Variants in PCDH9 observed in about 807,000 individuals in gnomAD.
The protein encoded by PCDH9 is protocadherin 9, also known as protocadherin-9.
In PCDH9, 24 loss-of-function variants were observed where a neutral mutation model predicts 70.6. That is an observed-to-expected ratio of 0.34 (90% CI 0.25 to 0.48). The LOEUF is 0.48. Among genes scored for constraint, PCDH9 ranks in the 20% least tolerant of loss-of-function variants. The probability of loss-of-function intolerance (pLI) is 0.99; values close to 1 mark genes in which losing one functional copy is unlikely to be tolerated. For synonymous variants in PCDH9, 562 were observed against 558.5 expected (o/e 1.01, Z -0.09); for missense variants, 1,281 against 1,503.6 (o/e 0.85, Z 2.45).
chr13:67,177,159 T>G (rs2088484499), intron 2 of PCDH9, among the ~76,000 whole-genome samples: 1 of 152,140 alleles, frequency 6.6e-6, no homozygotes, highest in Non-Finnish European at 1.5e-5. Flanking sequence ...CTAATATTGA[T>G]CTACCACTTT....
chr13:67,025,875 A>G (rs1044261297), intron 2 of PCDH9, among the ~76,000 whole-genome samples: 17 of 152,180 alleles, frequency 1.1e-4, no homozygotes, highest in African/African-American at 4.1e-4. Flanking sequence ...GCATATTTAT[A>G]TATCATTTAT....
intron 2 of PCDH9, among the ~76,000 whole-genome samples, chr13:67,082,726 G>A (rs895937137): frequency 6.6e-6 from 1 of 151,992 alleles, no homozygotes; most frequent in Non-Finnish European, 1.5e-5. Flanking sequence ...AAAAACATTT[G>A]AGAAAAAATT....
intron 3 of PCDH9, among the ~76,000 whole-genome samples, chr13:66,892,896 C>G (rs1453396377): frequency 6.6e-6 from 1 of 151,924 alleles, no homozygotes; most frequent in Non-Finnish European, 1.5e-5. Flanking sequence ...ATATTTATGT[C>G]TTTTTAAATT....
intron 3 of PCDH9, among the ~76,000 whole-genome samples, chr13:66,665,257 C>T (rs2078080033): frequency 6.6e-6 from 1 of 151,946 alleles, no homozygotes. Context: ...TGCCACCATG[C>T]CCATATAATT....
chr13:67,092,529 G>A (rs2086238279), intron 2 of PCDH9, among the ~76,000 whole-genome samples: 1 of 151,988 alleles, frequency 6.6e-6, no homozygotes, highest in Admixed American at 6.6e-5. Flanking sequence ...ATTTTCAAGG[G>A]CCCATTGAGA....
intron 4 of PCDH9, among the ~76,000 whole-genome samples, chr13:66,442,378 T>C (rs1400814874): frequency 1.3e-5 from 2 of 152,112 alleles, no homozygotes; most frequent in East Asian, 1.9e-4. Flanking sequence ...TATAAAACCA[T>C]AGAAGTTTCT....
intron 2 of PCDH9, among the ~76,000 whole-genome samples, chr13:66,940,527 G>A (rs1273272839): frequency 2.0e-5 from 3 of 151,894 alleles, no homozygotes; most frequent in Non-Finnish European, 4.4e-5. Flanking sequence ...TATTATTAGG[G>A]TGTTATTCAA....
At chr13:66,783,303 T>C (rs1391555882) in intron 3 of PCDH9, among the ~76,000 whole-genome samples, 2 of 152,118 alleles carry the variant, frequency 1.3e-5, no homozygotes, top group Non-Finnish European at 2.9e-5. Context: ...GGAAATCTGA[T>C]AGTCCTTGCT....
At chr13:67,043,959 A>G in intron 2 of PCDH9, among the ~76,000 whole-genome samples, 1 of 152,146 alleles carries the variant, frequency 6.6e-6, no homozygotes, top group East Asian at 1.9e-4. Flanking sequence ...AAACCTGGTC[A>G]TTGCAGACCA....
At chr13:66,491,110 C>G (rs1959025213) in intron 4 of PCDH9, among the ~76,000 whole-genome samples, 1 of 152,150 alleles carries the variant, frequency 6.6e-6, no homozygotes, top group Non-Finnish European at 1.5e-5. Context: ...CTTCAGTAAA[C>G]TCTTTCACTG....
At chr13:67,154,223 C>G (rs1395471279) in intron 2 of PCDH9, among the ~76,000 whole-genome samples, 1 of 151,812 alleles carries the variant, frequency 6.6e-6, no homozygotes, top group Non-Finnish European at 1.5e-5. Flanking sequence ...GGGGCTGAAG[C>G]AGGTAGATCC....
chr13:66,737,525 A>G (rs1484938960), intron 3 of PCDH9, among the ~76,000 whole-genome samples: 1 of 152,224 alleles, frequency 6.6e-6, no homozygotes, highest in Non-Finnish European at 1.5e-5. Context: ...GCTCCGGTCT[A>G]CAGCTCCCAG....
chr13:67,166,725 G>T (rs59894116), intron 2 of PCDH9, among the ~76,000 whole-genome samples: 470 of 152,210 alleles, frequency 3.1e-3, no homozygotes, highest in African/African-American at 9.1e-3. Flanking sequence ...GAGAAATAAA[G>T]TTCTTTCCAT....
At chr13:66,651,435 C>T (rs2077850298) in intron 3 of PCDH9, among the ~76,000 whole-genome samples, 1 of 151,900 alleles carries the variant, frequency 6.6e-6, no homozygotes, top group Non-Finnish European at 1.5e-5. Flanking sequence ...CACATACAAC[C>T]TACAAAGATT....
intron 2 of PCDH9, among the ~76,000 whole-genome samples, chr13:67,065,164 T>C (rs1000705111): frequency 6.6e-6 from 1 of 152,166 alleles, no homozygotes; most frequent in East Asian, 1.9e-4. Flanking sequence ...ATGTTAATCA[T>C]GCATTCCATC....
chr13:66,359,698 TTC>T, intron 4 of PCDH9, among the ~76,000 whole-genome samples: 1 of 152,190 alleles, frequency 6.6e-6, no homozygotes, highest in South Asian at 2.1e-4. Flanking sequence ...AAACTATTTC[TTC>T]TCTGTCTTGA....
At chr13:66,466,681 T>A (rs957825001) in intron 4 of PCDH9, among the ~76,000 whole-genome samples, 1 of 152,094 alleles carries the variant, frequency 6.6e-6, no homozygotes, top group Non-Finnish European at 1.5e-5. Context: ...TAAAAATATA[T>A]CTGCTCACAT....
chr13:66,915,990 T>C (rs1230545868), intron 2 of PCDH9, among the ~76,000 whole-genome samples: 1 of 151,548 alleles, frequency 6.6e-6, no homozygotes, highest in Non-Finnish European at 1.5e-5. Context: ...GGTAGACTCA[T>C]GGAGTATTAG....
At chr13:66,935,873 G>C (rs1463393742) in intron 2 of PCDH9, among the ~76,000 whole-genome samples, 1 of 151,920 alleles carries the variant, frequency 6.6e-6, no homozygotes, top group Non-Finnish European at 1.5e-5. Flanking sequence ...TAGGTCAAGA[G>C]ATCAAGACCA....
Sources: gnomAD v4.1 joint callset for allele counts (sites outside exome capture counted in the v4.1 genomes callset) on GRCh38, gnomAD v4.1.1 for gene constraint, MANE v1.5 for transcripts, NCBI Gene and HGNC (gene_info 2026-07-23, HGNC 2026-07-21) for gene names.